NCAM1: variants seen among roughly 807,000 people sequenced by gnomAD.
NCAM1 encodes neural cell adhesion molecule 1, also known as antigen recognized by monoclonal antibody 5.1H11.
A neutral mutation model predicts 109.8 loss-of-function variants in NCAM1; 14 were observed. That is an observed-to-expected ratio of 0.13 (90% CI 0.08 to 0.20). NCAM1 has a LOEUF of 0.20. NCAM1 is among the 10% of genes least tolerant of loss of function. NCAM1 has a pLI of 1.00. For synonymous variants in NCAM1, 418 were observed against 442.9 expected (o/e 0.94, Z 0.70); for missense variants, 774 against 1,109.9 (o/e 0.70, Z 4.30).
At chr11:113,240,127 A>G (rs568167275) in intron 14 of NCAM1, among the ~76,000 whole-genome samples, 34 of 152,286 alleles carry the variant, frequency 2.2e-4, no homozygotes, top group African/African-American at 7.0e-4. Flanking sequence ...AATCCTGAAC[A>G]TTATTTGCAT....
chr11:113,085,157 T>C (rs886807113), intron 1 of NCAM1, among the ~76,000 whole-genome samples: 3 of 152,212 alleles, frequency 2.0e-5, no homozygotes, highest in African/African-American at 4.8e-5. Context: ...ATAAAGGGTG[T>C]TAAAAGCATA....
intron 1 of NCAM1, among the ~76,000 whole-genome samples, chr11:113,173,643 G>A (rs983141967): frequency 5.3e-5 from 7 of 132,966 alleles, no homozygotes; most frequent in Non-Finnish European, 1.2e-4. Flanking sequence ...AGGGTGCAGG[G>A]TATGTCTGAA....
chr11:113,251,141 A>T (rs2137516423), intron 15 of NCAM1, among the ~76,000 whole-genome samples: 1 of 152,344 alleles, frequency 6.6e-6, no homozygotes, highest in Non-Finnish European at 1.5e-5. Context: ...TTGGCACCCC[A>T]GCCTTTCATT....
At chr11:113,249,042 CCCTGCA>C (rs1341458699) in intron 15 of NCAM1, among the ~76,000 whole-genome samples, 1 of 152,156 alleles carries the variant, frequency 6.6e-6, no homozygotes, top group African/African-American at 2.4e-5. Context: ...ATGAGAAGCC[CCCTGCA>C]CCCCTCTGTC....
chr11:113,228,923 A>C (rs868964681), intron 9 of NCAM1, among the ~76,000 whole-genome samples: 1,999 of 152,294 alleles, frequency 0.013, 30 homozygotes, highest in African/African-American at 0.038. Context: ...ACCTTATACA[A>C]AAATTAATTC....
At chr11:113,264,753 C>CA in intron 17 of NCAM1, 6 of 985,504 alleles carry the variant, frequency 6.1e-6, no homozygotes, top group Non-Finnish European at 6.0e-6. Flanking sequence ...GTCATCTCAA[C>CA]ACATCCCAGG....
intron 16 of NCAM1, among the ~76,000 whole-genome samples, chr11:113,256,557 C>T (rs2137590411): frequency 6.6e-6 from 1 of 152,320 alleles, no homozygotes; most frequent in East Asian, 1.9e-4. Flanking sequence ...GGGCTCTCCC[C>T]ACTGCCCAAG....
At chr11:113,021,874 G>A (rs191802438) in intron 1 of NCAM1, among the ~76,000 whole-genome samples, 1 of 152,340 alleles carries the variant, frequency 6.6e-6, no homozygotes, top group East Asian at 1.9e-4. Flanking sequence ...AGCAAAGGTA[G>A]ATAATTAAAC....
At chr11:113,255,377 C>G (rs995517932) in intron 15 of NCAM1, among the ~76,000 whole-genome samples, 90 of 152,204 alleles carry the variant, frequency 5.9e-4, no homozygotes, top group African/African-American at 2.0e-3. Context: ...ATTATTTACT[C>G]CCACTAGAGA....
chr11:113,000,232 T>C (rs1487819824), intron 1 of NCAM1, among the ~76,000 whole-genome samples: 1 of 152,232 alleles, frequency 6.6e-6, no homozygotes, highest in African/African-American at 2.4e-5. Context: ...GGAGATAACA[T>C]GATGAGTAAA....
At chr11:113,196,837 T>C (rs1487727219) in intron 1 of NCAM1, among the ~76,000 whole-genome samples, 2 of 152,210 alleles carry the variant, frequency 1.3e-5, no homozygotes, top group Non-Finnish European at 2.9e-5. Flanking sequence ...TTCCCTCCAG[T>C]AGTTTGCTGA....
chr11:113,132,134 T>C (rs17114937), intron 1 of NCAM1, among the ~76,000 whole-genome samples: 1,778 of 152,270 alleles, frequency 0.012, 38 homozygotes, highest in African/African-American at 0.04. Context: ...TGTTTTAGCT[T>C]GCTGGAACAC....
chr11:113,081,550 CT>C (rs5794840), intron 1 of NCAM1, among the ~76,000 whole-genome samples: 25 of 151,066 alleles, frequency 1.7e-4, no homozygotes, highest in African/African-American at 5.8e-4. Flanking sequence ...TTCTTTTTTT[CT>C]TTTTTTTTGT....
intron 1 of NCAM1, among the ~76,000 whole-genome samples, chr11:113,083,151 A>G (rs1938917529): frequency 6.6e-6 from 1 of 151,808 alleles, no homozygotes; most frequent in African/African-American, 2.4e-5. Context: ...GCTCCTGGCC[A>G]TGTGGTGGGG....
chr11:113,057,451 T>C (rs1953751034), intron 1 of NCAM1, among the ~76,000 whole-genome samples: 1 of 152,032 alleles, frequency 6.6e-6, no homozygotes, highest in Admixed American at 6.6e-5. Context: ...TGGAAGAATT[T>C]AAAGAAAAGG....
chr11:113,024,935 C>T (rs959064372), intron 1 of NCAM1, among the ~76,000 whole-genome samples: 2 of 152,180 alleles, frequency 1.3e-5, no homozygotes, highest in African/African-American at 4.8e-5. Flanking sequence ...GTCTTCTGAA[C>T]CATCTGTTCA....
intron 1 of NCAM1, among the ~76,000 whole-genome samples, chr11:113,050,109 A>C (rs377015131): frequency 6.5e-5 from 7 of 107,002 alleles, no homozygotes; most frequent in Admixed American, 2.4e-4. Flanking sequence ...GTGAGAACGC[A>C]TGGTGTGGGG....
intron 15 of NCAM1, 63 bp downstream of exon 15, chr11:113,246,433 A>G: frequency 7.0e-6 from 5 of 712,686 alleles, no homozygotes; most frequent in South Asian, 5.9e-5. Context: ...CATAGGGCAC[A>G]CTCATTTCTT....
At chr11:113,095,657 C>T (rs57494072) in intron 1 of NCAM1, among the ~76,000 whole-genome samples, 17,544 of 152,210 alleles carry the variant, frequency 0.12, 1,243 homozygotes, top group East Asian at 0.36. Flanking sequence ...TCTGAGTTCT[C>T]ATTTCATTTT....
Sources: allele counts gnomAD v4.1 joint callset (sites outside exome capture counted in the v4.1 genomes callset), GRCh38; gene constraint gnomAD v4.1.1; transcripts MANE v1.5; gene names NCBI Gene and HGNC (gene_info 2026-07-23, HGNC 2026-07-21).